Variants in RANBP2 observed in about 807,000 individuals in gnomAD.
RANBP2 encodes RAN binding protein 2.
RANBP2 carries 57 observed loss-of-function variants against 303.6 expected under a neutral mutation model. The observed-to-expected ratio is 0.19, with a 90% CI of 0.15 to 0.23. The LOEUF is 0.23. Ranked by LOEUF, RANBP2 falls within the 10% of genes least tolerant of loss-of-function variation. The pLI, the probability that RANBP2 is intolerant of heterozygous loss-of-function variation, is 1.00. For synonymous variants in RANBP2, 1,167 were observed against 1,301.5 expected (o/e 0.90, Z 2.23); for missense variants, 3,138 against 3,780.8 (o/e 0.83, Z 4.46).
chr2:109,629,336 TA>T, the RANBP2 span, among the ~76,000 whole-genome samples: 41 of 10,648 alleles, frequency 3.9e-3, no homozygotes, highest in South Asian at 6.1e-3. Context: ...TATATATATA[TA>T]TATATATATA....
At chr2:109,609,704 G>A in the RANBP2 span, among the ~76,000 whole-genome samples, 62 of 151,406 alleles carry the variant, frequency 4.1e-4, no homozygotes, top group Non-Finnish European at 8.0e-4. Flanking sequence ...TCTTAGATAC[G>A]AAAATTATCC....
the RANBP2 span, among the ~76,000 whole-genome samples, chr2:108,927,741 C>A: frequency 5.8e-4 from 89 of 152,272 alleles, 1 homozygote; most frequent in South Asian, 5.0e-3. Flanking sequence ...GGTTAGCTAT[C>A]TAGGTCTGGA....
the RANBP2 span, among the ~76,000 whole-genome samples, chr2:109,246,845 C>T: frequency 2.0e-5 from 3 of 152,150 alleles, no homozygotes; most frequent in African/African-American, 4.8e-5. Flanking sequence ...GTTGTGACAG[C>T]GATGCTGGGG....
the RANBP2 span, among the ~76,000 whole-genome samples, chr2:109,584,474 CAAA>C: frequency 4.2e-5 from 3 of 72,034 alleles, no homozygotes; most frequent in Non-Finnish European, 5.2e-5. Context: ...GACTCTGTCT[CAAA>C]AAAAAAAAAA....
At chr2:109,661,233 A>G in the RANBP2 span, among the ~76,000 whole-genome samples, 1 of 135,832 alleles carries the variant, frequency 7.4e-6, no homozygotes, top group Non-Finnish European at 1.5e-5. Context: ...ATGAGGGAGC[A>G]TTAGTAGAAG....
the RANBP2 span, among the ~76,000 whole-genome samples, chr2:109,451,947 T>A: frequency 6.6e-6 from 1 of 152,208 alleles, no homozygotes; most frequent in Non-Finnish European, 1.5e-5. Context: ...CCTCTGAGCT[T>A]ATGTCCAGAG....
the RANBP2 span, among the ~76,000 whole-genome samples, chr2:109,332,684 CA>C: frequency 6.6e-6 from 1 of 152,178 alleles, no homozygotes; most frequent in African/African-American, 2.4e-5. Flanking sequence ...GGCGATGAGT[CA>C]CCCTTCTGAG....
the RANBP2 span, among the ~76,000 whole-genome samples, chr2:109,640,193 C>A: frequency 6.6e-6 from 1 of 151,268 alleles, no homozygotes; most frequent in Non-Finnish European, 1.5e-5. Context: ...TGGCTCATGC[C>A]TGTAATCCCA....
In RANBP2 at chr2:108,784,047, T is replaced by A. The variant is rs1051537322; in HGVS notation, c.*146T>A. On this transcript the variant is annotated 3_prime_UTR_variant, in exon 29 of 29. Transcript: ENST00000283195. ...ATTGCAGCTTATAGCTGTTGTCACT[T>A]TTTAATGTGTTATAATTGACCTTGC... The A allele has an allele frequency of 5.2e-5, 39 of 744,874 alleles. No individual in the cohort carries two copies. Among genetic ancestry groups the A allele is most frequent in the Non-Finnish European group, 8.2e-5 (38 of 464,552 alleles). The allele number at this position is 744,874 out of a possible 1,614,324, so 46.1% of individuals were successfully genotyped here.
the RANBP2 span, among the ~76,000 whole-genome samples, chr2:108,874,401 A>G: frequency 6.6e-6 from 1 of 152,322 alleles, no homozygotes; most frequent in Non-Finnish European, 1.5e-5. Flanking sequence ...ACTATAAATA[A>G]GGACATCGAT....
the RANBP2 span, among the ~76,000 whole-genome samples, chr2:109,008,309 C>T: frequency 3.3e-5 from 5 of 152,016 alleles, no homozygotes; most frequent in Non-Finnish European, 7.4e-5. Flanking sequence ...ATGCACAATT[C>T]GTGTTTGTGG....
the RANBP2 span, among the ~76,000 whole-genome samples, chr2:108,948,500 T>C: frequency 7.2e-5 from 11 of 152,138 alleles, no homozygotes; most frequent in African/African-American, 2.2e-4. Context: ...GACTGGGTAA[T>C]TTATAAAGAA....
At chr2:109,377,965 A>G in the RANBP2 span, among the ~76,000 whole-genome samples, 2 of 152,238 alleles carry the variant, frequency 1.3e-5, no homozygotes, top group Non-Finnish European at 2.9e-5. Context: ...TTAATTGTGC[A>G]CACTCCGCGT....
chr2:108,937,441 G>A, the RANBP2 span, among the ~76,000 whole-genome samples: 1 of 147,800 alleles, frequency 6.8e-6, no homozygotes, highest in Non-Finnish European at 1.5e-5. Flanking sequence ...TATTGTATAT[G>A]TGAGGATGTG....
the RANBP2 span, chr2:108,813,001 G>A: frequency 3.6e-5 from 45 of 1,257,926 alleles, 1 homozygote; most frequent in Middle Eastern, 1.0e-3. Flanking sequence ...TGTAATCCCA[G>A]CACTTTGGGA....
the RANBP2 span, among the ~76,000 whole-genome samples, chr2:109,634,680 A>G: frequency 6.6e-6 from 1 of 152,182 alleles, no homozygotes; most frequent in South Asian, 2.1e-4. Context: ...ATCTATGTGG[A>G]AAAATCAAAA....
chr2:108,907,713 A>G, the RANBP2 span: 2 of 902,968 alleles, frequency 2.2e-6, no homozygotes, highest in Non-Finnish European at 3.6e-6. Context: ...CTTGCTGTGA[A>G]CTTGTCACTG....
chr2:108,838,460 G>A, the RANBP2 span, among the ~76,000 whole-genome samples: 1 of 152,112 alleles, frequency 6.6e-6, no homozygotes, highest in East Asian at 1.9e-4. Flanking sequence ...AAACAGTGTA[G>A]CAATAAATAT....
At chr2:109,623,066 G>T in the RANBP2 span, among the ~76,000 whole-genome samples, 1 of 152,202 alleles carries the variant, frequency 6.6e-6, no homozygotes, top group African/African-American at 2.4e-5. Context: ...GGCAGAGCTT[G>T]CACTGAGCTG....
Sources: allele counts gnomAD v4.1 joint callset (sites outside exome capture counted in the v4.1 genomes callset), GRCh38; gene constraint gnomAD v4.1.1; transcripts MANE v1.5; gene names NCBI Gene and HGNC (gene_info 2026-07-23, HGNC 2026-07-21).